BLTP1: variants seen among roughly 807,000 people sequenced by gnomAD.
BLTP1 encodes the protein fragile site-associated protein.
chr4:122,196,689 T>C, the BLTP1 span: 24 of 1,611,162 alleles, frequency 1.5e-5, 1 homozygote, highest in South Asian at 2.6e-4. Context: ...TGAAAGTTTC[T>C]GAAATTGCAC....
At chr4:122,224,182 G>A in the BLTP1 span, 1,214 of 710,128 alleles carry the variant, frequency 1.7e-3, 11 homozygotes, top group African/African-American at 0.022. Context: ...CTGGTCTCTT[G>A]TATTCCCTGT....
At chr4:122,207,461 G>A in the BLTP1 span, 14 of 1,486,900 alleles carry the variant, frequency 9.4e-6, no homozygotes, top group African/African-American at 1.4e-5. Flanking sequence ...TGCATTTTAG[G>A]CAATTTTATA....
the BLTP1 span, chr4:122,186,333 T>A: frequency 1.7e-6 from 1 of 599,064 alleles, no homozygotes; most frequent in Non-Finnish European, 2.5e-6. Context: ...CTTTGCAAAT[T>A]AACTGAAACT....
chr4:122,240,030 G>A, the BLTP1 span: 2 of 1,614,014 alleles, frequency 1.2e-6, no homozygotes. Flanking sequence ...AAGCATTCAG[G>A]ATTCCAGAAC....
At chr4:122,351,156 G>A in the BLTP1 span, 1 of 355,080 alleles carries the variant, frequency 2.8e-6, no homozygotes, top group African/African-American at 2.2e-5. Flanking sequence ...GCTTTCACTA[G>A]GATGATAGAG....
At chr4:122,173,382 C>G in the BLTP1 span, among the ~76,000 whole-genome samples, 2 of 152,126 alleles carry the variant, frequency 1.3e-5, no homozygotes, top group Non-Finnish European at 2.9e-5. Context: ...CAGGGTGTCA[C>G]ATGGTGAGGG....
chr4:122,250,892 A>T, the BLTP1 span: 3 of 974,274 alleles, frequency 3.1e-6, no homozygotes, highest in Non-Finnish European at 3.7e-6. Context: ...GGTGTGGAGG[A>T]TTTTAGCAGG....
At chr4:122,190,643 A>C in the BLTP1 span, 1 of 324,894 alleles carries the variant, frequency 3.1e-6, no homozygotes, top group Non-Finnish European at 4.4e-6. Flanking sequence ...AAAATTGAGA[A>C]TGCAAATGAT....
At chr4:122,241,067 C>T in the BLTP1 span, among the ~76,000 whole-genome samples, 3 of 152,050 alleles carry the variant, frequency 2.0e-5, no homozygotes, top group African/African-American at 7.2e-5. Context: ...TGAGAAGAGT[C>T]TATGATGATA....
chr4:122,313,514 A>G, the BLTP1 span: 2 of 633,482 alleles, frequency 3.2e-6, no homozygotes, highest in African/African-American at 3.8e-5. Context: ...TCTAGGAAGG[A>G]TAGTAATCCT....
chr4:122,246,943 A>G, the BLTP1 span: 341 of 1,417,108 alleles, frequency 2.4e-4, 3 homozygotes, highest in Middle Eastern at 9.0e-3. Flanking sequence ...TGGAATTTCA[A>G]ATCTTAATTT....
the BLTP1 span, chr4:122,267,024 C>G: frequency 2.0e-6 from 1 of 501,252 alleles, no homozygotes; most frequent in Admixed American, 3.5e-5. Flanking sequence ...TTTAACGTTA[C>G]TTTCGTGTAA....
chr4:122,234,272 T>A, the BLTP1 span: 1 of 383,510 alleles, frequency 2.6e-6, no homozygotes, highest in Admixed American at 6.4e-5. Context: ...TGGTTCATTA[T>A]TTTAATTTTA....
chr4:122,354,508 T>C, the BLTP1 span, among the ~76,000 whole-genome samples: 1 of 151,062 alleles, frequency 6.6e-6, no homozygotes, highest in Admixed American at 6.6e-5. Flanking sequence ...GATACAACAG[T>C]CTTGTGATAG....
chr4:122,304,781 A>G, the BLTP1 span: 6 of 1,609,120 alleles, frequency 3.7e-6, no homozygotes, highest in South Asian at 1.1e-5. Flanking sequence ...TTTTCCTCCT[A>G]ACATATAATC....
At chr4:122,264,051 T>C in the BLTP1 span, 1 of 858,050 alleles carries the variant, frequency 1.2e-6, no homozygotes, top group Non-Finnish European at 1.4e-6. Flanking sequence ...ACATGTGTTC[T>C]GAAAAGTTAA....
At chr4:122,298,025 A>T in the BLTP1 span, 36 of 330,790 alleles carry the variant, frequency 1.1e-4, no homozygotes, top group South Asian at 9.8e-4. Context: ...CCTATGTAAC[A>T]AATGTGCATA....
At chr4:122,240,480 T>C in the BLTP1 span, 1 of 727,392 alleles carries the variant, frequency 1.4e-6, no homozygotes, top group African/African-American at 1.8e-5. Context: ...TCTGAAGCCA[T>C]AGCTTTATGT....
chr4:122,280,696 G>T, the BLTP1 span, among the ~76,000 whole-genome samples: 1 of 149,424 alleles, frequency 6.7e-6, no homozygotes, highest in East Asian at 2.0e-4. Flanking sequence ...CCATGTAAAA[G>T]GTTAAAAATT....
Sources: allele counts gnomAD v4.1 joint callset (sites outside exome capture counted in the v4.1 genomes callset), GRCh38; gene constraint gnomAD v4.1.1; transcripts MANE v1.5; gene names NCBI Gene and HGNC (gene_info 2026-07-23, HGNC 2026-07-21).